The following TEX14 variants were observed in gnomAD, a reference collection of about 807,000 sequenced individuals.
TEX14 encodes the protein testis expressed 14, intercellular bridge forming factor, also known as inactive serine/threonine-protein kinase TEX14.
A neutral mutation model predicts 178.6 loss-of-function variants in TEX14; 168 were observed. The observed-to-expected ratio is 0.94, with a 90% CI of 0.83 to 1.07. The LOEUF (loss-of-function observed/expected upper bound fraction) is 1.07. Ranked by LOEUF, TEX14 falls within the 50% of genes least tolerant of loss-of-function variation. TEX14 has a pLI of 0.00. For synonymous variants in TEX14, 626 were observed against 634.1 expected (o/e 0.99, Z 0.19); for missense variants, 1,730 against 1,753.6 (o/e 0.99, Z 0.24).
chr17:58,561,443 T>C, intron 29 of TEX14, 77 bp downstream of exon 29: 2 of 966,262 alleles, frequency 2.1e-6, no homozygotes, highest in South Asian at 1.3e-5. Flanking sequence ...CATCAGGCAT[T>C]CATTCTCCAA....
Position 58,572,059 on chromosome 17 carries a change from T to C in TEX14, c.3579A>G (p.Thr1193=), listed in dbSNP as rs2044544763. 21 of 1,614,184 alleles carry C rather than the reference T, an allele frequency of 1.3e-5. No homozygotes were observed. Among genetic ancestry groups the C allele is most frequent in the Non-Finnish European group, 1.8e-5 (21 of 1,180,020 alleles). Residue 1193 remains threonine (T), a synonymous_variant, in exon 24 of 32, where the codon ACA becomes ACG. Coordinates refer to ENST00000349033, the MANE Select transcript of TEX14 (RefSeq NM_031272.5). The stretch of plus-strand genomic sequence containing the variant: ...GACTGTTCCAGCAAGAGGCAAACTC[T>C]GTCTTAACCTGAAATGTGATACTTT... ...CLESITFQVK[T]EFASCWNSQE...
At chr17:58,588,229 G>C (rs1156555388) in intron 15 of TEX14, among the ~76,000 whole-genome samples, 3 of 152,190 alleles carry the variant, frequency 2.0e-5, no homozygotes, top group Non-Finnish European at 4.4e-5. Flanking sequence ...GTTCAGGTGA[G>C]GGTTCTGCTC....
At chr17:58,613,381 G>A (rs201337273) in intron 9 of TEX14, 40 bp downstream of exon 9, 3 of 1,612,502 alleles carry the variant, frequency 1.9e-6, no homozygotes, top group African/African-American at 1.3e-5. Context: ...GAAGAAACTG[G>A]GAGGTCAGCA....
At chr17:58,625,729 G>T (rs1295776006) in intron 3 of TEX14, among the ~76,000 whole-genome samples, 2 of 151,998 alleles carry the variant, frequency 1.3e-5, no homozygotes, top group Admixed American at 1.3e-4. Context: ...TTAACATTTG[G>T]GAGCTTTCAT....
intron 28 of TEX14, among the ~76,000 whole-genome samples, chr17:58,562,999 A>G (rs1230560397): frequency 6.6e-6 from 1 of 151,952 alleles, no homozygotes; most frequent in Non-Finnish European, 1.5e-5. Flanking sequence ...TGAGCCCAGG[A>G]GATCAAGGCT....
intron 12 of TEX14, 138 bp downstream of exon 12, chr17:58,602,262 A>T (rs549657611): frequency 7.1e-6 from 6 of 845,716 alleles, no homozygotes; most frequent in Non-Finnish European, 1.1e-5. Context: ...GCTATTATCA[A>T]GAACACAGAA....
At chr17:58,634,934 C>A (rs886619132) in intron 2 of TEX14, among the ~76,000 whole-genome samples, 2 of 152,088 alleles carry the variant, frequency 1.3e-5, no homozygotes, top group African/African-American at 4.8e-5. Context: ...GAGTTCAAGA[C>A]CAGCCTGGCC....
intron 1 of TEX14, among the ~76,000 whole-genome samples, chr17:58,689,644 T>C (rs968330627): frequency 6.6e-6 from 1 of 152,176 alleles, no homozygotes; most frequent in Non-Finnish European, 1.5e-5. Context: ...ATTTAACTCT[T>C]CCCTCCCTGA....
intron 10 of TEX14, among the ~76,000 whole-genome samples, chr17:58,609,649 C>T (rs952700667): frequency 1.3e-5 from 2 of 152,184 alleles, no homozygotes; most frequent in African/African-American, 4.8e-5. Context: ...ATTCAGACTC[C>T]TCACCAGGGC....
intron 19 of TEX14, among the ~76,000 whole-genome samples, chr17:58,582,121 C>T (rs1801109112): frequency 6.6e-6 from 1 of 152,122 alleles, no homozygotes; most frequent in Non-Finnish European, 1.5e-5. Context: ...CATCATCTTA[C>T]AGATGAGGAG....
At chr17:58,597,292 G>A (rs535993675) in intron 14 of TEX14, among the ~76,000 whole-genome samples, 8 of 152,114 alleles carry the variant, frequency 5.3e-5, no homozygotes, top group South Asian at 2.1e-4. Flanking sequence ...CCAGCTACTC[G>A]GGAGGCTGAG....
At chr17:58,636,768 C>T (rs1298737105) in intron 2 of TEX14, among the ~76,000 whole-genome samples, 1 of 152,072 alleles carries the variant, frequency 6.6e-6, no homozygotes, top group African/African-American at 2.4e-5. Flanking sequence ...CACAAATTAG[C>T]GGGGCATGGT....
chr17:58,573,543 A>C (rs1257896373), intron 22 of TEX14, among the ~76,000 whole-genome samples: 1 of 152,124 alleles, frequency 6.6e-6, no homozygotes, highest in Non-Finnish European at 1.5e-5. Flanking sequence ...GCAGGGACAG[A>C]GTTTTGCTCT....
intron 3 of TEX14, among the ~76,000 whole-genome samples, chr17:58,626,219 T>C (rs1172507720): frequency 1.3e-5 from 2 of 152,168 alleles, no homozygotes; most frequent in Non-Finnish European, 2.9e-5. Context: ...GGCATCTGAT[T>C]TGTGACTTCA....
intron 1 of TEX14, among the ~76,000 whole-genome samples, chr17:58,683,427 A>G (rs2047535451): frequency 6.6e-6 from 1 of 151,844 alleles, no homozygotes; most frequent in African/African-American, 2.4e-5. Context: ...ATAAGTAAAC[A>G]TATAAAATCT....
chr17:58,635,769 TCGC>T (rs2046421878), intron 2 of TEX14, among the ~76,000 whole-genome samples: 1 of 151,210 alleles, frequency 6.6e-6, no homozygotes, highest in Admixed American at 6.6e-5. Context: ...AGAGTCTCTG[TCGC>T]CTAGGCTGGA....
chr17:58,619,966 T>C (rs1290406942), intron 5 of TEX14, among the ~76,000 whole-genome samples: 1 of 152,168 alleles, frequency 6.6e-6, no homozygotes, highest in Non-Finnish European at 1.5e-5. Context: ...CCTTTCAGGC[T>C]CACTCATGAG....
At chr17:58,611,977 T>C (rs2045755841) in intron 9 of TEX14, among the ~76,000 whole-genome samples, 1 of 152,184 alleles carries the variant, frequency 6.6e-6, no homozygotes, top group Admixed American at 6.5e-5. Context: ...AGAGCCCTTC[T>C]TGGGGTCTCC....
chr17:58,662,393 A>G (rs2047130109), intron 1 of TEX14, among the ~76,000 whole-genome samples: 1 of 147,684 alleles, frequency 6.8e-6, no homozygotes, highest in African/African-American at 2.5e-5. Flanking sequence ...TTATGTGTGT[A>G]CAGATATATA....
Sources: allele counts gnomAD v4.1 joint callset (sites outside exome capture counted in the v4.1 genomes callset), GRCh38; gene constraint gnomAD v4.1.1; transcripts MANE v1.5; gene names NCBI Gene and HGNC (gene_info 2026-07-23, HGNC 2026-07-21).